SNX29: variants seen among roughly 807,000 people sequenced by gnomAD.
The protein encoded by SNX29 is sorting nexin 29, also known as sorting nexin-29.
A neutral mutation model predicts 102.1 loss-of-function variants in SNX29; 78 were observed. The ratio of observed to expected loss-of-function variants is 0.76; its 90% CI spans 0.64 to 0.92. The LOEUF (loss-of-function observed/expected upper bound fraction) is 0.92, where lower values mean the gene tolerates loss of function less well. SNX29 is among the 40% of genes least tolerant of loss of function. The pLI is 0.00. For missense variants in SNX29, 1,280 were observed against 1,061.7 expected, an observed-to-expected ratio of 1.21 and a Z score of -2.86; for synonymous variants, 580 against 414.5, an observed-to-expected ratio of 1.40 and a Z score of -4.85.
At chr16:12,064,359 G>T (rs1481085396) in intron 9 of SNX29, among the ~76,000 whole-genome samples, 3 of 152,212 alleles carry the variant, frequency 2.0e-5, no homozygotes, top group African/African-American at 2.4e-5. Flanking sequence ...AGGGAACGTA[G>T]CTCCCCATCA....
intron 20 of SNX29, among the ~76,000 whole-genome samples, chr16:12,537,320 C>T (rs369493639): frequency 3.9e-5 from 6 of 152,138 alleles, no homozygotes; most frequent in African/African-American, 1.4e-4. Context: ...GTGGCTAAGC[C>T]AAAGCTCTGT....
intron 18 of SNX29, among the ~76,000 whole-genome samples, chr16:12,449,850 A>G (rs970922966): frequency 8.5e-5 from 13 of 152,200 alleles, no homozygotes; most frequent in African/African-American, 2.9e-4. Context: ...CAACAGCTGT[A>G]CATTTGACAA....
chr16:12,346,682 G>T (rs953049609), intron 15 of SNX29, among the ~76,000 whole-genome samples: 3 of 152,198 alleles, frequency 2.0e-5, no homozygotes, highest in African/African-American at 7.2e-5. Flanking sequence ...GAGGGCTGGG[G>T]CTCCAGGTTT....
chr16:12,524,128 C>T (rs563267170), intron 19 of SNX29, among the ~76,000 whole-genome samples: 8 of 152,224 alleles, frequency 5.3e-5, no homozygotes, highest in African/African-American at 9.6e-5. Context: ...TCAGGTGATC[C>T]GCCCGCGTCT....
At chr16:12,254,781 C>T (rs557856133) in intron 14 of SNX29, among the ~76,000 whole-genome samples, 18 of 152,246 alleles carry the variant, frequency 1.2e-4, no homozygotes, top group South Asian at 1.0e-3. Context: ...ATGAGGCAAG[C>T]GCAGTTGGTC....
chr16:12,558,238 C>CCT (rs71139602), intron 20 of SNX29, among the ~76,000 whole-genome samples: 15 of 152,150 alleles, frequency 9.9e-5, no homozygotes, highest in African/African-American at 1.4e-4. Flanking sequence ...TCAGCCCCCC[C>CCT]AGTAGATGGT....
Position 12,517,159 on chromosome 16 carries a change from A to G in SNX29, c.2179-7543A>G, listed in dbSNP as rs112406076. Among the ~76,000 whole-genome samples, 684 of 152,300 alleles carry G rather than the reference A, an allele frequency of 4.5e-3. 9 individuals carry two copies. The highest frequency in any genetic ancestry group is 0.016 in the African/African-American group (647 of 41,572). ...ACAGCAGAGCCACGGGTGGGTGGCA[A>G]GGACTCATTAGGCAGCCCCTAGAGA... On this transcript the variant is annotated intron_variant, in intron 19 of 20. Transcript: ENST00000566228.
intron 13 of SNX29, among the ~76,000 whole-genome samples, chr16:12,198,982 G>A (rs1009287366): frequency 6.6e-6 from 1 of 152,078 alleles, no homozygotes; most frequent in South Asian, 2.1e-4. Context: ...CAGCAGGTGG[G>A]GTCCTGTCAT....
intron 15 of SNX29, among the ~76,000 whole-genome samples, chr16:12,288,299 C>A (rs1160256788): frequency 1.3e-5 from 2 of 152,114 alleles, no homozygotes; most frequent in Non-Finnish European, 2.9e-5. Flanking sequence ...GGAGTTACGG[C>A]CCCTTTCCAT....
intron 16 of SNX29, among the ~76,000 whole-genome samples, chr16:12,380,364 C>G (rs1208773450): frequency 1.7e-5 from 2 of 115,094 alleles, no homozygotes; most frequent in African/African-American, 3.3e-5. Flanking sequence ...CACCTGTCAT[C>G]CCTCCACTTA....
At chr16:12,249,086 C>T (rs993763662) in intron 14 of SNX29, among the ~76,000 whole-genome samples, 8 of 152,108 alleles carry the variant, frequency 5.3e-5, no homozygotes, top group African/African-American at 1.7e-4. Flanking sequence ...AAAACAACTC[C>T]GATTTTGGTT....
chr16:12,104,364 T>C (rs1185532802), intron 11 of SNX29, among the ~76,000 whole-genome samples: 1 of 152,190 alleles, frequency 6.6e-6, no homozygotes, highest in East Asian at 1.9e-4. Flanking sequence ...GAGACCAGCC[T>C]GGCCAACTTG....
rs142171673 is a variant in SNX29, at chr16:12,385,233, T to C, written c.1900-13213T>C. On this transcript the variant is annotated intron_variant, in intron 16 of 20. Transcript: ENST00000566228. ...GAAGGGATTATCATTTCTAAAGTCTTTGCTTATTGGGGGACACCTGAGCCT... is the reference window on the plus strand; with the variant it reads ...GAAGGGATTATCATTTCTAAAGTCTCTGCTTATTGGGGGACACCTGAGCCT... Among the ~76,000 whole-genome samples, 1,458 of 152,250 alleles carry C rather than the reference T, an allele frequency of 9.6e-3. 21 individuals are homozygous for C. The highest frequency in any genetic ancestry group is 0.033 in the African/African-American group (1,351 of 41,556).
chr16:12,361,690 T>G (rs1289853675), intron 16 of SNX29, among the ~76,000 whole-genome samples: 2 of 152,252 alleles, frequency 1.3e-5, no homozygotes, highest in African/African-American at 2.4e-5. Context: ...ATTTATTTTT[T>G]TCTTAAACTT....
chr16:12,548,781 C>G (rs927758656), intron 20 of SNX29, among the ~76,000 whole-genome samples: 1 of 152,216 alleles, frequency 6.6e-6, no homozygotes, highest in Admixed American at 6.5e-5. Flanking sequence ...CCAGCCACCA[C>G]AGTGCTGGGT....
At chr16:12,320,020 G>A (rs557896636) in intron 15 of SNX29, among the ~76,000 whole-genome samples, 2 of 152,266 alleles carry the variant, frequency 1.3e-5, no homozygotes, top group African/African-American at 2.4e-5. Flanking sequence ...GCTGCATCTC[G>A]TCACTGGTCT....
intron 18 of SNX29, among the ~76,000 whole-genome samples, chr16:12,441,338 T>G (rs935321157): frequency 1.3e-5 from 2 of 152,104 alleles, no homozygotes; most frequent in Non-Finnish European, 2.9e-5. Flanking sequence ...TCCACCCACC[T>G]CGGCCTCCCA....
At chr16:12,162,095 C>A (rs1264057190) in intron 13 of SNX29, among the ~76,000 whole-genome samples, 1 of 152,178 alleles carries the variant, frequency 6.6e-6, no homozygotes, top group African/African-American at 2.4e-5. Context: ...CATGTACTTA[C>A]TTCCTGCCGG....
At chr16:12,123,063 G>A (rs1364638581) in intron 11 of SNX29, among the ~76,000 whole-genome samples, 1 of 152,132 alleles carries the variant, frequency 6.6e-6, no homozygotes, top group East Asian at 1.9e-4. Flanking sequence ...CTGACCTCAA[G>A]TGATCTGCCT....
Sources: gnomAD v4.1 joint callset for allele counts (sites outside exome capture counted in the v4.1 genomes callset) on GRCh38, gnomAD v4.1.1 for gene constraint, MANE v1.5 for transcripts, NCBI Gene and HGNC (gene_info 2026-07-23, HGNC 2026-07-21) for gene names.